The following RNF212B variants were observed in gnomAD, a reference collection of about 807,000 sequenced individuals.
RNF212B encodes the protein E3 ubiquitin-protein ligase RNF212B.
Under a neutral mutation model 55.5 loss-of-function variants are expected in RNF212B, and 52 were observed. The observed-to-expected ratio is 0.94, with a 90% CI of 0.75 to 1.18. The LOEUF (loss-of-function observed/expected upper bound fraction) is 1.18. Ranked by LOEUF, RNF212B falls within the 50% of genes most tolerant of loss-of-function variation. RNF212B has a pLI of 0.00. For synonymous variants in RNF212B, 99 were observed against 121.4 expected, an observed-to-expected ratio of 0.82 and a Z score of 1.21; for missense variants, 289 against 350.4, an observed-to-expected ratio of 0.82 and a Z score of 1.40.
chr14:23,236,325 C>T (rs968484446), upstream of RNF212B, among the ~76,000 whole-genome samples: 3 of 152,128 alleles, frequency 2.0e-5, no homozygotes, highest in South Asian at 2.1e-4. Flanking sequence ...AGCAGCCTGG[C>T]CAACACGGTG....
chr14:23,234,465 T>A (rs913707247), upstream of RNF212B, among the ~76,000 whole-genome samples: 1 of 152,218 alleles, frequency 6.6e-6, no homozygotes, highest in Non-Finnish European at 1.5e-5. Context: ...TGTTTAGATT[T>A]CTGATCCATT....
chr14:23,272,157 C>A (rs1199472177), intron 14 of RNF212B, among the ~76,000 whole-genome samples: 1 of 152,106 alleles, frequency 6.6e-6, no homozygotes, highest in African/African-American at 2.4e-5. Context: ...GTGGCTCATG[C>A]CTGTAATCCC....
chr14:23,188,494 TCTCA>T (rs1215975214), intron 1 of RNF212B, among the ~76,000 whole-genome samples: 1 of 147,222 alleles, frequency 6.8e-6, no homozygotes, highest in Non-Finnish European at 1.5e-5. Context: ...AGGGTCTCAC[TCTCA>T]CTCTGTCACC....
At position 23,219,558 on chromosome 14, in the gene RNF212B, G is replaced by T. The variant is rs191039019; in HGVS notation, c.-1-20787G>T. Among the ~76,000 whole-genome samples the T allele has an allele frequency of 8.6e-3, 1,293 of 150,982 alleles. 23 individuals carry two copies. The highest frequency in any genetic ancestry group is 0.03 in the African/African-American group (1,222 of 41,078). On this transcript the variant is annotated intron_variant, in intron 2 of 15. Coordinates refer to the RNF212B transcript ENST00000399910. ...AAGATCTCGGCTCACTGCAACCTCT[G>T]CCACCTGGGTTCAAGTGATTCTTGT... is the stretch of plus-strand genomic sequence containing the variant.
intron 9 of RNF212B, 98 bp downstream of exon 9, chr14:23,263,068 C>A: frequency 5.4e-6 from 6 of 1,106,894 alleles, no homozygotes; most frequent in Non-Finnish European, 8.0e-6. Flanking sequence ...AATTTTAGGT[C>A]TATGTAGAAG....
At chr14:23,245,318 A>G (rs546012248) in intron 4 of RNF212B, among the ~76,000 whole-genome samples, 2 of 152,166 alleles carry the variant, frequency 1.3e-5, no homozygotes, top group Non-Finnish European at 2.9e-5. Context: ...GAGCCATCAT[A>G]TTTGACATAC....
rs566264624 is a variant in RNF212B, at chr14:23,229,993, T to C, written c.-1-10352T>C. The stretch of plus-strand genomic sequence containing the variant: ...TCCAGCTTGAATCTTCTCCAATGTC[T>C]CCTTTTAAAGTTGTACCTGATTTTA... On this transcript the variant is annotated intron_variant, in intron 2 of 15. Transcript: ENST00000399910. 7 of 207,838 alleles carry C rather than the reference T, an allele frequency of 3.4e-5. No homozygotes were observed. In the East Asian group the frequency reaches 7.8e-4, roughly 23 times the overall value. 12.9% of individuals were successfully genotyped at this position (207,838 alleles called of 1,614,324 possible).
intron 5 of RNF212B, among the ~76,000 whole-genome samples, chr14:23,259,050 G>T (rs1346937608): frequency 6.6e-6 from 1 of 151,814 alleles, no homozygotes; most frequent in Non-Finnish European, 1.5e-5. Flanking sequence ...AAATTAGCCA[G>T]ACATGGTGGT....
chr14:23,227,285 G>A (rs1280305319), intron 2 of RNF212B, among the ~76,000 whole-genome samples: 2 of 151,968 alleles, frequency 1.3e-5, no homozygotes, highest in Non-Finnish European at 2.9e-5. Context: ...GAGAAGAGGA[G>A]TTTGTGCTCA....
intron 7 of RNF212B, among the ~76,000 whole-genome samples, chr14:23,261,023 T>C (rs561856432): frequency 1.3e-5 from 2 of 152,354 alleles, no homozygotes; most frequent in South Asian, 4.1e-4. Flanking sequence ...GAGAGTACAC[T>C]GAACAAAGGA....
intron 2 of RNF212B, among the ~76,000 whole-genome samples, chr14:23,230,856 T>A (rs1466139499): frequency 6.6e-6 from 1 of 152,110 alleles, no homozygotes; most frequent in Non-Finnish European, 1.5e-5. Flanking sequence ...TTCCCAGCAC[T>A]GTTTGTTGCA....
intron 2 of RNF212B, among the ~76,000 whole-genome samples, chr14:23,218,489 C>A (rs548995940): frequency 1.5e-4 from 22 of 151,688 alleles, no homozygotes; most frequent in Admixed American, 5.3e-4. Context: ...TGAAGACAAG[C>A]TATTTGAAAA....
intron 2 of RNF212B, among the ~76,000 whole-genome samples, chr14:23,210,350 A>G (rs1880363722): frequency 1.3e-5 from 2 of 152,248 alleles, no homozygotes; most frequent in African/African-American, 4.8e-5. Flanking sequence ...AATGAAACGC[A>G]GTGCGGTATA....
chr14:23,256,381 T>TC (rs1884837971), intron 4 of RNF212B, among the ~76,000 whole-genome samples: 1 of 151,606 alleles, frequency 6.6e-6, no homozygotes, highest in South Asian at 2.1e-4. Flanking sequence ...GTTTAATTTT[T>TC]TTTTTTTTGA....
chr14:23,196,496 G>A (rs1455636307), intron 2 of RNF212B, among the ~76,000 whole-genome samples: 1 of 152,212 alleles, frequency 6.6e-6, no homozygotes, highest in Non-Finnish European at 1.5e-5. Context: ...CTGGAGGGCA[G>A]TGGAGTGATC....
At chr14:23,209,081 G>A (rs1306084907) in intron 2 of RNF212B, among the ~76,000 whole-genome samples, 3 of 152,182 alleles carry the variant, frequency 2.0e-5, no homozygotes, top group Admixed American at 2.0e-4. Context: ...TTATGGTTAT[G>A]TATTGATGAT....
chr14:23,269,812 T>C, intron 12 of RNF212B, 51 bp from the exon 13 acceptor site: 1 of 1,063,564 alleles, frequency 9.4e-7, no homozygotes, highest in Admixed American at 2.1e-5. Context: ...CTTTTTATTT[T>C]TACCTTTACC....
rs539173681 is a variant in RNF212B, at chr14:23,212,160, T to C, written c.-2+18759T>C. ...CCTTGAAAGGGCACTTAGGAGAAAA[T>C]TGTAGCCAGCCTTATACATAATGGT... On this transcript the variant is annotated intron_variant, in intron 2 of 15. Coordinates refer to the RNF212B transcript ENST00000399910. Among the ~76,000 whole-genome samples the C allele has an allele frequency of 3.9e-5, 6 of 152,318 alleles. No individual in the cohort carries two copies. The East Asian group carries it at 9.6e-4, about 24-fold the overall frequency.
At chr14:23,256,507 A>C (rs1383341713) in intron 4 of RNF212B, among the ~76,000 whole-genome samples, 1 of 151,696 alleles carries the variant, frequency 6.6e-6, no homozygotes. Flanking sequence ...CATTAGCTGG[A>C]ATTACAGGTG....
Sources: allele counts gnomAD v4.1 joint callset (sites outside exome capture counted in the v4.1 genomes callset), GRCh38; gene constraint gnomAD v4.1.1; transcripts MANE v1.5; gene names NCBI Gene and HGNC (gene_info 2026-07-23, HGNC 2026-07-21).